CFAP74: variants seen among roughly 807,000 people sequenced by gnomAD.
CFAP74 encodes cilia- and flagella-associated protein 74.
In CFAP74, 124 loss-of-function variants were observed where a neutral mutation model predicts 188.9. That is an observed-to-expected ratio of 0.66 (90% CI 0.57 to 0.76). CFAP74 has a LOEUF of 0.76. CFAP74 is among the 30% of genes least tolerant of loss of function. CFAP74 has a pLI of 0.00. For synonymous variants in CFAP74, 956 were observed against 916.7 expected (o/e 1.04, Z -0.77); for missense variants, 2,198 against 2,165.2 (o/e 1.02, Z -0.30).
At chr1:1,946,066 T>C (rs1653751103) in intron 20 of CFAP74, among the ~76,000 whole-genome samples, 2 of 152,128 alleles carry the variant, frequency 1.3e-5, no homozygotes, top group African/African-American at 4.8e-5. Context: ...TGTGTGCATG[T>C]GTATACATGC....
chr1:1,922,806 C>T, intron 37 of CFAP74, 83 bp from the exon 38 acceptor site: 1 of 1,514,702 alleles, frequency 6.6e-7, no homozygotes, highest in Non-Finnish European at 8.9e-7. Flanking sequence ...GTGCCCAGCT[C>T]CACTCACCCT....
At chr1:1,977,395 C>T (rs886929010) in intron 6 of CFAP74, among the ~76,000 whole-genome samples, 2 of 152,192 alleles carry the variant, frequency 1.3e-5, no homozygotes, top group Admixed American at 6.5e-5. Context: ...GGGAAGCAGC[C>T]TTCCCCTCCC....
At chr1:1,986,636 C>T (rs942371102) in intron 5 of CFAP74, among the ~76,000 whole-genome samples, 7 of 152,212 alleles carry the variant, frequency 4.6e-5, no homozygotes, top group African/African-American at 1.7e-4. Context: ...ATGCAGGCCT[C>T]TCACCTCTCA....
intron 18 of CFAP74, chr1:1,955,234 G>A (rs1248872592): frequency 7.0e-6 from 9 of 1,290,158 alleles, no homozygotes; most frequent in South Asian, 2.5e-5. Flanking sequence ...AGGAGGAGAC[G>A]CAAGCGATTC....
At chr1:1,941,700 A>T (rs1418008356) in intron 22 of CFAP74, among the ~76,000 whole-genome samples, 1 of 152,044 alleles carries the variant, frequency 6.6e-6, no homozygotes, top group African/African-American at 2.4e-5. Flanking sequence ...CAGGTAGCAG[A>T]CCCTCAGTGG....
intron 25 of CFAP74, among the ~76,000 whole-genome samples, chr1:1,938,486 TGACA>T (rs1653103399): frequency 4.6e-5 from 2 of 43,426 alleles, no homozygotes; most frequent in Non-Finnish European, 8.6e-5. Context: ...AGGCTCACAC[TGACA>T]AACGCACTCA....
rs1043143928 is a variant in CFAP74 at position 1,942,902 on chromosome 1, G to A, written c.2487-746C>T. On this transcript the variant is annotated intron_variant, in intron 21 of 38. Coordinates refer to ENST00000682832, the MANE Select transcript of CFAP74 (RefSeq NM_001304360.2). The surrounding 1 kb of genome is among the most constrained non-coding windows in gnomAD (Gnocchi z 4.3). The stretch of plus-strand genomic sequence containing the variant: ...TCTCCTCCCTCCTGTGCTTCCATGC[G>A]ACAGTCACCCATGCTGTGGCAGCCT... Among the ~76,000 whole-genome samples, 9 of 152,144 alleles carry A rather than the reference G, an allele frequency of 5.9e-5. No homozygotes were observed. Among genetic ancestry groups the A allele is most frequent in the Admixed American group, 3.9e-4 (6 of 15,290 alleles).
At chr1:1,955,228 G>A (rs1654503572) in intron 18 of CFAP74, 5 of 1,289,986 alleles carry the variant, frequency 3.9e-6, no homozygotes, top group South Asian at 2.5e-5. Context: ...GAAGCAAGGA[G>A]GAGACGCAAG....
intron 11 of CFAP74, among the ~76,000 whole-genome samples, chr1:1,967,183 G>A (rs1655529885): frequency 6.6e-6 from 1 of 152,160 alleles, no homozygotes; most frequent in African/African-American, 2.4e-5. Flanking sequence ...AAAGCCCCAG[G>A]CTGACCCCAG....
At chr1:1,974,342 C>A in intron 6 of CFAP74, 144 bp from the exon 7 acceptor site, 1 of 712,066 alleles carries the variant, frequency 1.4e-6, no homozygotes. Context: ...GCCATCTCCG[C>A]TCTGAGTCAC....
chr1:1,971,141 T>G (rs995126133), intron 9 of CFAP74, among the ~76,000 whole-genome samples: 8 of 129,102 alleles, frequency 6.2e-5, no homozygotes, highest in Admixed American at 2.3e-4. Flanking sequence ...ACACACATGC[T>G]CGCACATGCA....
intron 27 of CFAP74, 55 bp from the exon 28 acceptor site, chr1:1,927,801 T>C: frequency 5.3e-6 from 8 of 1,513,224 alleles, no homozygotes; most frequent in Non-Finnish European, 6.2e-6. Context: ...CACAGCCAGC[T>C]GTGCCCCGTG....
intron 9 of CFAP74, among the ~76,000 whole-genome samples, chr1:1,971,136 CAT>C (rs1655989456): frequency 1.3e-5 from 2 of 150,176 alleles, no homozygotes; most frequent in African/African-American, 2.5e-5. Context: ...CGTGCACACA[CAT>C]GCTCGCACAT....
chr1:1,944,331 C>A lies in CFAP74; in HGVS notation c.2486G>T (p.Arg829Leu), dbSNP rs543179421. 1 of 1,535,054 alleles carries A rather than the reference C, an allele frequency of 6.5e-7. No homozygotes were observed. The highest frequency in any genetic ancestry group is 1.2e-5 in the South Asian group (1 of 84,004). ...TGTGCATGGACAGGAGGGGGCTCAC[C>A]GCGTGTGCACGAGCACAGAGTCCTG... ...LYQDSVLVHT[R>L]SKAALRLKFE... Residue 829 changes from arginine (R) to leucine (L), a missense_variant and splice_region_variant, in exon 21 of 39, where the codon CGG becomes CTG. By Grantham distance (102) the Arg-to-Leu change is moderately radical. Coordinates refer to ENST00000682832, the MANE Select transcript of CFAP74 (RefSeq NM_001304360.2).
chr1:1,983,237 C>G (rs1335382770), intron 6 of CFAP74, among the ~76,000 whole-genome samples: 1 of 152,220 alleles, frequency 6.6e-6, no homozygotes, highest in Non-Finnish European at 1.5e-5. Context: ...GGAATGAATT[C>G]TGGCAAGAAA....
chr1:1,931,385 G>A (rs1293245290), intron 25 of CFAP74, among the ~76,000 whole-genome samples: 6 of 139,898 alleles, frequency 4.3e-5, no homozygotes, highest in African/African-American at 1.6e-4. Context: ...AGCTGAGATC[G>A]CACCACTGCA....
At chr1:1,929,253 C>T (rs377706226) in intron 26 of CFAP74, among the ~76,000 whole-genome samples, 1 of 144,628 alleles carries the variant, frequency 6.9e-6, no homozygotes, top group Non-Finnish European at 1.5e-5. Context: ...TCCCTGCACA[C>T]ACCAGCCTTT....
chr1:1,926,382 C>A, intron 31 of CFAP74, 35 bp from the exon 32 acceptor site: 4 of 1,550,092 alleles, frequency 2.6e-6, no homozygotes, highest in Non-Finnish European at 3.5e-6. Context: ...ATACAGGTGT[C>A]TGCAGGCTCT....
chr1:1,950,488 T>C (rs1654139744), intron 18 of CFAP74, among the ~76,000 whole-genome samples: 1 of 152,096 alleles, frequency 6.6e-6, no homozygotes, highest in African/African-American at 2.4e-5. Flanking sequence ...TACAGGTGTC[T>C]GCCGCCATGC....
Sources: gnomAD v4.1 joint callset for allele counts (sites outside exome capture counted in the v4.1 genomes callset) on GRCh38, gnomAD v4.1.1 for gene constraint, Gnocchi (gnomAD v3.1) non-coding constraint, MANE v1.5 for transcripts, NCBI Gene and HGNC (gene_info 2026-07-23, HGNC 2026-07-21) for gene names.